GLMN: variants seen among roughly 807,000 people sequenced by gnomAD.
The protein encoded by GLMN is glomulin, FKBP associated protein, also known as glomulin.
A neutral mutation model predicts 87.8 loss-of-function variants in GLMN; 75 were observed. The ratio of observed to expected loss-of-function variants is 0.85; its 90% CI spans 0.71 to 1.04. GLMN has a LOEUF of 1.04. Among genes scored for constraint, GLMN ranks in the 50% least tolerant of loss-of-function variants. The probability of loss-of-function intolerance (pLI) is 0.00; values close to 1 mark genes in which losing one functional copy is unlikely to be tolerated. For missense variants in GLMN, 588 were observed against 658.8 expected (o/e 0.89, Z 1.18); for synonymous variants, 206 against 221.6 (o/e 0.93, Z 0.63).
At chr1:92,286,366 TTA>T in intron 7 of GLMN, 122 bp downstream of exon 7, 1 of 513,712 alleles carries the variant, frequency 1.9e-6, no homozygotes, top group Non-Finnish European at 3.5e-6. Context: ...CATCTTTTGT[TTA>T]TGTGTGTTCT....
chr1:92,314,952 C>T, the GLMN span, among the ~76,000 whole-genome samples: 2 of 146,030 alleles, frequency 1.4e-5, no homozygotes, highest in Non-Finnish European at 3.0e-5. Context: ...GGCTGAGGTG[C>T]GAGAATCTCT....
upstream of GLMN, chr1:92,299,232 T>C: frequency 2.6e-6 from 2 of 766,234 alleles, no homozygotes; most frequent in Non-Finnish European, 3.9e-6. Context: ...CGGGCGCTCC[T>C]GAAAGGCTGC....
chr1:92,284,591 G>C (rs1163374905), intron 7 of GLMN, among the ~76,000 whole-genome samples: 4 of 151,956 alleles, frequency 2.6e-5, no homozygotes, highest in African/African-American at 9.7e-5. Context: ...ACACCAAAAG[G>C]AATGTCAACA....
chr1:92,253,320 G>A (rs1476534461), intron 16 of GLMN, among the ~76,000 whole-genome samples: 1 of 152,224 alleles, frequency 6.6e-6, no homozygotes, highest in Non-Finnish European at 1.5e-5. Flanking sequence ...GCACCTTGGG[G>A]AAAGGGTGGC....
the GLMN span, among the ~76,000 whole-genome samples, chr1:92,312,591 C>T: frequency 1.3e-5 from 2 of 152,144 alleles, no homozygotes; most frequent in African/African-American, 4.8e-5. Flanking sequence ...TAAGAAGCAG[C>T]TGTATATCCG....
intron 16 of GLMN, among the ~76,000 whole-genome samples, chr1:92,254,805 A>T (rs1422873084): frequency 1.3e-5 from 2 of 152,344 alleles, no homozygotes; most frequent in East Asian, 3.9e-4. Context: ...TACTGCAAGA[A>T]CAACCCAAAA....
chr1:92,305,324 T>G, the GLMN span, among the ~76,000 whole-genome samples: 2 of 149,154 alleles, frequency 1.3e-5, no homozygotes, highest in African/African-American at 5.0e-5. Context: ...TCCCAGCTAC[T>G]CGGGAGGCTG....
At chr1:92,357,313 C>T in the GLMN span, among the ~76,000 whole-genome samples, 16,077 of 151,986 alleles carry the variant, frequency 0.11, 942 homozygotes, top group South Asian at 0.19. Context: ...GAAAAAGGCA[C>T]AAAATATTGT....
At chr1:92,335,293 T>C in the GLMN span, among the ~76,000 whole-genome samples, 1 of 152,160 alleles carries the variant, frequency 6.6e-6, no homozygotes, top group Non-Finnish European at 1.5e-5. Flanking sequence ...AATTAAGAAA[T>C]TGAATCTGGA....
chr1:92,330,439 ATTTTTTTT>A, the GLMN span, among the ~76,000 whole-genome samples: 14 of 61,460 alleles, frequency 2.3e-4, 1 homozygote, highest in East Asian at 1.3e-3. Context: ...TGGGTTGTCA[ATTTTTTTT>A]TTTTTTTTTT....
chr1:92,278,757 C>A (rs1570931255), intron 7 of GLMN, among the ~76,000 whole-genome samples: 1 of 152,118 alleles, frequency 6.6e-6, no homozygotes, highest in Non-Finnish European at 1.5e-5. Flanking sequence ...AGTTAGTAGA[C>A]CCCAAGGTCA....
intron 16 of GLMN, 46 bp from the exon 17 acceptor site, chr1:92,248,035 T>C (rs771514512): frequency 2.2e-5 from 18 of 814,572 alleles, no homozygotes; most frequent in Middle Eastern, 2.2e-4. Context: ...CAATGATTGA[T>C]TGCCTACTAT....
At chr1:92,255,785 C>T (rs1237208377) in intron 16 of GLMN, among the ~76,000 whole-genome samples, 1 of 152,130 alleles carries the variant, frequency 6.6e-6, no homozygotes, top group Admixed American at 6.5e-5. Flanking sequence ...AAATTTTTAG[C>T]ACTAAATGCC....
At chr1:92,334,050 T>G in the GLMN span, among the ~76,000 whole-genome samples, 2 of 151,580 alleles carry the variant, frequency 1.3e-5, no homozygotes, top group Non-Finnish European at 2.9e-5. Context: ...AACTTGAAGG[T>G]TTTTTTTTCC....
chr1:92,300,984 C>G (rs980931213), upstream of GLMN, among the ~76,000 whole-genome samples: 1 of 152,106 alleles, frequency 6.6e-6, no homozygotes, highest in Non-Finnish European at 1.5e-5. Flanking sequence ...TGTGATGTTA[C>G]GAGAAGGAAT....
chr1:92,359,401 C>T, the GLMN span, among the ~76,000 whole-genome samples: 1 of 152,244 alleles, frequency 6.6e-6, no homozygotes, highest in African/African-American at 2.4e-5. Context: ...CTCACCGCAA[C>T]CCCCGCCTCC....
chr1:92,283,741 C>T (rs1025574802), intron 7 of GLMN, among the ~76,000 whole-genome samples: 3 of 152,210 alleles, frequency 2.0e-5, no homozygotes, highest in African/African-American at 4.8e-5. Context: ...AGCCCAAAAT[C>T]TCCTTAAGCT....
chr1:92,280,979 A>C (rs1300768065), intron 7 of GLMN, among the ~76,000 whole-genome samples: 1 of 152,228 alleles, frequency 6.6e-6, no homozygotes, highest in African/African-American at 2.4e-5. Context: ...GAAAAGACCA[A>C]ATCTATGTTT....
chr1:92,290,160 T>TA, intron 5 of GLMN, 38 bp downstream of exon 5: 1 of 1,127,432 alleles, frequency 8.9e-7, no homozygotes, highest in Non-Finnish European at 1.4e-6. Flanking sequence ...CATTTAGAGA[T>TA]ACAACAAGAA....
Sources: allele counts gnomAD v4.1 joint callset (sites outside exome capture counted in the v4.1 genomes callset), GRCh38; gene constraint gnomAD v4.1.1; transcripts MANE v1.5; gene names NCBI Gene and HGNC (gene_info 2026-07-23, HGNC 2026-07-21).